FAM120A: variants seen among roughly 807,000 people sequenced by gnomAD.
FAM120A encodes the protein constitutive coactivator of PPAR-gamma-like protein 1.
A neutral mutation model predicts 109.7 loss-of-function variants in FAM120A; 15 were observed. The observed-to-expected ratio is 0.14, with a 90% confidence interval of 0.09 to 0.21. The LOEUF (loss-of-function observed/expected upper bound fraction) is 0.21, where lower values mean the gene tolerates loss of function less well. FAM120A is among the 10% of genes least tolerant of loss of function. The pLI is 1.00. For missense variants in FAM120A, 899 were observed against 1,439.3 expected (o/e 0.62, Z 6.07); for synonymous variants, 493 against 572.8 (o/e 0.86, Z 1.99).
At chr9:93,486,862 A>C (rs1289780128) in intron 3 of FAM120A, among the ~76,000 whole-genome samples, 4 of 151,952 alleles carry the variant, frequency 2.6e-5, no homozygotes, top group African/African-American at 9.7e-5. Flanking sequence ...GAACCACCAA[A>C]CTGTTTTCCA....
chr9:93,519,428 A>G (rs986370183), intron 7 of FAM120A, among the ~76,000 whole-genome samples: 2 of 152,026 alleles, frequency 1.3e-5, no homozygotes, highest in African/African-American at 4.8e-5. Context: ...TTTTTAGTAG[A>G]GATGAGGTTT....
chr9:93,539,979 TTAATG>T (rs1190537941), intron 10 of FAM120A, among the ~76,000 whole-genome samples: 2 of 152,248 alleles, frequency 1.3e-5, no homozygotes, highest in Admixed American at 6.5e-5. Flanking sequence ...TGTAATTAAT[TTAATG>T]TAAGTGATGT....
At chr9:93,501,252 A>G (rs1859788120) in intron 5 of FAM120A, among the ~76,000 whole-genome samples, 1 of 152,232 alleles carries the variant, frequency 6.6e-6, no homozygotes, top group Non-Finnish European at 1.5e-5. Context: ...AATTAGGAAG[A>G]TAAGTATAGA....
At chr9:93,538,062 A>G (rs1032944870) in intron 10 of FAM120A, among the ~76,000 whole-genome samples, 1 of 151,330 alleles carries the variant, frequency 6.6e-6, no homozygotes, top group South Asian at 2.1e-4. Flanking sequence ...AACCAGTGTT[A>G]CTTGCCAATC....
In FAM120A at chr9:93,516,027, A is replaced by G; in HGVS notation, c.1176A>G (p.Pro392=). The change falls in exon 7 of 18, where the codon CCA becomes CCG. Residue 392 remains proline (P), a synonymous_variant. Transcript: ENST00000277165. ...CAGGGGGCGCCCCGGGCCAGGGTCC[A>G]TACCCGTACAGCCTCTCTGAGCCAG... ...PSPGGAPGQG[P]YPYSLSEPAP... 2 of 1,596,102 alleles carry G rather than the reference A, an allele frequency of 1.3e-6. No homozygotes were observed. Among genetic ancestry groups the G allele is most frequent in the Non-Finnish European group, 8.5e-7 (1 of 1,171,572 alleles).
At chr9:93,519,659 T>C (rs1419748375) in intron 7 of FAM120A, among the ~76,000 whole-genome samples, 1 of 152,098 alleles carries the variant, frequency 6.6e-6, no homozygotes, top group East Asian at 1.9e-4. Flanking sequence ...ACCTAACTTC[T>C]CCTGTCTTCT....
chr9:93,494,674 A>G (rs1474268357), intron 3 of FAM120A, among the ~76,000 whole-genome samples: 1 of 152,094 alleles, frequency 6.6e-6, no homozygotes, highest in Admixed American at 6.6e-5. Context: ...CTTCCCCATC[A>G]TGCTGTGAAG....
At chr9:93,525,269 G>T (rs1230682954) in intron 7 of FAM120A, among the ~76,000 whole-genome samples, 2 of 151,152 alleles carry the variant, frequency 1.3e-5, no homozygotes, top group African/African-American at 4.9e-5. Flanking sequence ...CTCAGGTGGC[G>T]CTGGCATGGT....
chr9:93,476,511 C>T (rs766966525), intron 3 of FAM120A, among the ~76,000 whole-genome samples, 173 bp downstream of exon 3: 16 of 152,168 alleles, frequency 1.1e-4, no homozygotes, highest in Non-Finnish European at 1.8e-4. Context: ...ATGCTACCAT[C>T]CCTTGTTCTC....
At chr9:93,539,327 G>C (rs1175280470) in intron 10 of FAM120A, among the ~76,000 whole-genome samples, 1 of 152,170 alleles carries the variant, frequency 6.6e-6, no homozygotes, top group African/African-American at 2.4e-5. Context: ...AGTGTAAAAA[G>C]TTGGTTTAGT....
chr9:93,469,839 C>G (rs778984505), intron 1 of FAM120A, among the ~76,000 whole-genome samples: 17 of 152,050 alleles, frequency 1.1e-4, no homozygotes, highest in Admixed American at 1.0e-3. Context: ...TGCTTTGCCT[C>G]TCAGTGAGAT....
Position 93,557,940 on chromosome 9 carries a change from C to T in FAM120A, c.2598C>T (p.Tyr866=). The T allele has an allele frequency of 6.2e-7, 1 of 1,608,406 alleles. No homozygotes were observed. The highest frequency in any genetic ancestry group is 8.5e-7 in the Non-Finnish European group (1 of 1,179,842). Residue 866 remains tyrosine, a synonymous_variant, in exon 14 of 18, where the codon TAC becomes TAT. Coordinates refer to ENST00000277165, the MANE Select transcript of FAM120A (RefSeq NM_014612.5). ...PFPPPPALPF[Y]PASAYPRHFG... ...CGCCGCCACCTGCCCTGCCCTTCTA[C>T]CCTGCCTCTGCGTACCCCCGGCACT...
chr9:93,495,498 G>A (rs750065320), intron 3 of FAM120A, among the ~76,000 whole-genome samples: 2 of 152,224 alleles, frequency 1.3e-5, no homozygotes, highest in Non-Finnish European at 2.9e-5. Flanking sequence ...GAGAGCAGGG[G>A]CCTGGAGGGG....
chr9:93,478,006 T>C (rs992570838), intron 3 of FAM120A, among the ~76,000 whole-genome samples: 1 of 152,236 alleles, frequency 6.6e-6, no homozygotes, highest in Non-Finnish European at 1.5e-5. Context: ...TTGTTTTGTT[T>C]AACAAAAACT....
intron 1 of FAM120A, among the ~76,000 whole-genome samples, chr9:93,456,799 C>T (rs555437956): frequency 6.6e-6 from 1 of 152,286 alleles, no homozygotes; most frequent in South Asian, 2.1e-4. Flanking sequence ...TAGCTAACTG[C>T]TTCAGCTATG....
chr9:93,502,664 G>A (rs1398491899), intron 5 of FAM120A, among the ~76,000 whole-genome samples: 1 of 151,926 alleles, frequency 6.6e-6, no homozygotes, highest in Non-Finnish European at 1.5e-5. Context: ...ATAAGTGGTG[G>A]TGAGATGCAT....
chr9:93,505,329 G>A (rs1034447531), intron 5 of FAM120A, among the ~76,000 whole-genome samples: 1 of 152,124 alleles, frequency 6.6e-6, no homozygotes, highest in South Asian at 2.1e-4. Flanking sequence ...CGAAATGCTG[G>A]GATTACAGGC....
intron 5 of FAM120A, among the ~76,000 whole-genome samples, chr9:93,514,848 G>T (rs1018350947): frequency 3.3e-5 from 5 of 152,228 alleles, no homozygotes; most frequent in Admixed American, 6.5e-5. Context: ...GTTAGGCCGC[G>T]CGAGGCCAGA....
chr9:93,565,128 G>T lies in FAM120A; in HGVS notation c.*588G>T, dbSNP rs1352594926. 1 of 152,114 alleles carries T rather than the reference G, an allele frequency of 6.6e-6. No individual in the cohort carries two copies. The highest frequency in any genetic ancestry group is 2.4e-5 in the African/African-American group (1 of 41,302). 9.4% of individuals were successfully genotyped at this position (152,114 alleles called of 1,614,324 possible). ...TAAAAAATTATAGAGTAATATTGCCGTTCTGCTGATTTTAAATATACAATA... is the reference window on the plus strand; with the variant it reads ...TAAAAAATTATAGAGTAATATTGCCTTTCTGCTGATTTTAAATATACAATA... On this transcript the variant is annotated 3_prime_UTR_variant, in exon 18 of 18. Transcript: ENST00000277165.
Sources: allele counts gnomAD v4.1 joint callset (sites outside exome capture counted in the v4.1 genomes callset), GRCh38; gene constraint gnomAD v4.1.1; transcripts MANE v1.5; gene names NCBI Gene and HGNC (gene_info 2026-07-23, HGNC 2026-07-21).